LSM7: variants seen among roughly 807,000 people sequenced by gnomAD.
LSM7 encodes U6 snRNA-associated Sm-like protein LSm7.
In LSM7, 13 loss-of-function variants were observed where a neutral mutation model predicts 14.1. The ratio of observed to expected loss-of-function variants is 0.92; its 90% CI spans 0.60 to 1.47. The LOEUF is 1.47. Ranked by LOEUF, LSM7 falls within the 40% of genes most tolerant of loss-of-function variation. The probability of loss-of-function intolerance (pLI) is 0.00; values close to 1 mark genes in which losing one functional copy is unlikely to be tolerated. For synonymous variants in LSM7, 70 were observed against 57.1 expected (o/e 1.23, Z -1.02); for missense variants, 108 against 140.8 (o/e 0.77, Z 1.18).
rs1393633209 is a variant in LSM7, at chr19:2,328,557, T to C, written c.6+4A>G. 5 of 1,592,520 alleles carry C rather than the reference T, an allele frequency of 3.1e-6. No homozygotes were observed. The highest frequency in any genetic ancestry group is 2.3e-5 in the East Asian group (1 of 43,928). Reference sequence around the variant, plus strand: ...CCCGGCTCCAGATTCCGCCGCGCGCTCACCGCCATCTTGTCGCGCCGTGTG... The same window carrying C: ...CCCGGCTCCAGATTCCGCCGCGCGCCCACCGCCATCTTGTCGCGCCGTGTG... On this transcript the variant is annotated splice_donor_region_variant and intron_variant, in intron 1 of 3. Coordinates refer to ENST00000252622, the MANE Select transcript of LSM7 (RefSeq NM_016199.3).
intron 2 of LSM7, among the ~76,000 whole-genome samples, chr19:2,327,592 C>T (rs946547524): frequency 6.6e-6 from 1 of 152,190 alleles, no homozygotes; most frequent in Non-Finnish European, 1.5e-5. Flanking sequence ...GGCTGGAGTG[C>T]AGTGGTGCGG....
At position 2,321,943 on chromosome 19, in the gene LSM7, G is replaced by A; in HGVS notation, c.170-121C>T. On this transcript the variant is annotated intron_variant, in intron 3 of 3. Transcript: ENST00000252622. This position sits in a 1 kb window ranked among gnomAD's most constrained non-coding sequence, Gnocchi z 5.0. Reference sequence around the variant, plus strand: ...ACCCTGCAGGCGCCACGAGCACGCAGGGACCTCAGACGGGATGCGCTCTGT... The same window carrying A: ...ACCCTGCAGGCGCCACGAGCACGCAAGGACCTCAGACGGGATGCGCTCTGT... The A allele has an allele frequency of 1.1e-6, 1 of 941,360 alleles. No individual in the cohort carries two copies. 58.3% of individuals were successfully genotyped at this position (941,360 alleles called of 1,614,324 possible). A position where few individuals can be genotyped will look rare whatever the true frequency, so the allele number is the denominator to read the frequency against.
At chr19:2,324,039 G>T in intron 3 of LSM7, 86 bp downstream of exon 3, 1 of 761,642 alleles carries the variant, frequency 1.3e-6, no homozygotes. Context: ...TGCCCCCCTC[G>T]TCCCACTGCC....
chr19:2,328,582 G>A lies in LSM7; in HGVS notation c.-16C>T, dbSNP rs1968098127. 6.4e-7 allele frequency: 1 copy of A among 1,572,790 alleles called. No homozygotes were observed. The highest frequency in any genetic ancestry group is 1.1e-5 in the South Asian group (1 of 87,400). On this transcript the variant is annotated 5_prime_UTR_variant, in exon 1 of 4. Transcript: ENST00000252622. ...TCACCGCCATCTTGTCGCGCCGTGT[G>A]GCTCTTCGCAGGCACCGCCCCGCGC...
intron 1 of LSM7, 42 bp from the exon 2 acceptor site, chr19:2,328,519 G>C (rs760686295): frequency 6.2e-7 from 1 of 1,609,200 alleles, no homozygotes; most frequent in Non-Finnish European, 8.5e-7. Flanking sequence ...AGCGCGGCCC[G>C]AGCTCCACGC....
At chr19:2,326,151 A>G (rs747165637) in intron 2 of LSM7, 1 of 152,248 alleles carries the variant, frequency 6.6e-6, no homozygotes, top group Non-Finnish European at 1.5e-5. Flanking sequence ...TGACGGGACA[A>G]GATGTCACTC....
At chr19:2,328,337 T>G in intron 2 of LSM7, 50 bp downstream of exon 2, 3 of 1,496,298 alleles carry the variant, frequency 2.0e-6, no homozygotes, top group Non-Finnish European at 2.8e-6. Flanking sequence ...TGTTGCTGGG[T>G]TTATTTGAAA....
At chr19:2,327,353 C>T (rs946631592) in intron 2 of LSM7, among the ~76,000 whole-genome samples, 4 of 151,852 alleles carry the variant, frequency 2.6e-5, no homozygotes, top group Non-Finnish European at 5.9e-5. Flanking sequence ...AGCAATTCTC[C>T]TGCCTCAGCC....
rs189017788 is a variant in LSM7 at position 2,324,106 on chromosome 19, C to T, written c.169+19G>A. On this transcript the variant is annotated intron_variant, in intron 3 of 3. Coordinates refer to ENST00000252622, the MANE Select transcript of LSM7 (RefSeq NM_016199.3). ...ATCCCCCTCGTCCCGCTGCCTGCCT[C>T]GGCCGCCACCCCACTCACCTCGCAT... 970 of 1,533,684 alleles carry T rather than the reference C, an allele frequency of 6.3e-4. 2 individuals carry two copies. In the African/African-American group the frequency reaches 0.012, roughly 18 times the overall value.
intron 2 of LSM7, among the ~76,000 whole-genome samples, chr19:2,326,775 C>T (rs1968029569): frequency 6.6e-6 from 1 of 152,258 alleles, no homozygotes; most frequent in Admixed American, 6.5e-5. Context: ...CGGCCCCAAA[C>T]CCTTTCTGAA....
In LSM7 at chr19:2,321,550, A is replaced by C; in HGVS notation, c.*130T>G. 1 of 1,076,096 alleles carries C rather than the reference A, an allele frequency of 9.3e-7. No homozygotes were observed. Among genetic ancestry groups the C allele is most frequent in the Non-Finnish European group, 1.2e-6 (1 of 820,574 alleles). 66.7% of individuals were successfully genotyped at this position (1,076,096 alleles called of 1,614,324 possible). On this transcript the variant is annotated 3_prime_UTR_variant, in exon 4 of 4. Coordinates refer to ENST00000252622, the MANE Select transcript of LSM7 (RefSeq NM_016199.3). This position sits in a 1 kb window ranked among gnomAD's most constrained non-coding sequence, Gnocchi z 5.0. ...GGTTTGCAATTTTATTAAGAAAACAAAAATTCAACCTATACAAAAAGGAAA... is the reference window on the plus strand; with the variant it reads ...GGTTTGCAATTTTATTAAGAAAACACAAATTCAACCTATACAAAAAGGAAA...
rs199893137 is a variant in LSM7, at chr19:2,328,362, G to A, written c.97+25C>T. On this transcript the variant is annotated intron_variant, in intron 2 of 3. Coordinates refer to ENST00000252622, the MANE Select transcript of LSM7 (RefSeq NM_016199.3). The stretch of plus-strand genomic sequence containing the variant: ...TTTATTTGAAATTTTTAAAGAGGGG[G>A]TACCGACAGCGGGAGCCTCCTCACC... The A allele has an allele frequency of 3.1e-6, 5 of 1,604,572 alleles. No homozygotes were observed. The East Asian group carries it at 8.9e-5, about 29-fold the overall frequency.
At chr19:2,322,434 G>C (rs532436322) in intron 3 of LSM7, among the ~76,000 whole-genome samples, 2 of 152,182 alleles carry the variant, frequency 1.3e-5, no homozygotes, top group African/African-American at 2.4e-5. Context: ...CCAGCTACTC[G>C]GGAGGCTGAG....
chr19:2,326,864 C>G (rs1375381028), intron 2 of LSM7, among the ~76,000 whole-genome samples: 2 of 152,218 alleles, frequency 1.3e-5, no homozygotes, highest in African/African-American at 4.8e-5. Flanking sequence ...GGGCAGACCA[C>G]CACGGTGGAA....
At chr19:2,326,312 T>TGTGTGTGTGTGTG (rs1968015474) in intron 2 of LSM7, among the ~76,000 whole-genome samples, 22 of 129,784 alleles carry the variant, frequency 1.7e-4, no homozygotes, top group East Asian at 6.7e-4. Flanking sequence ...TTTCTGCTTT[T>TGTGTGTGTGTGTG]TGTGTGTGTG....
Sources: gnomAD v4.1 joint callset for allele counts (sites outside exome capture counted in the v4.1 genomes callset) on GRCh38, gnomAD v4.1.1 for gene constraint, Gnocchi (gnomAD v3.1) non-coding constraint, MANE v1.5 for transcripts, NCBI Gene and HGNC (gene_info 2026-07-23, HGNC 2026-07-21) for gene names.